The following PRKN variants were observed in gnomAD, a reference collection of about 807,000 sequenced individuals.
PRKN encodes E3 ubiquitin-protein ligase parkin.
In PRKN, 56 loss-of-function variants were observed where a neutral mutation model predicts 59.5. The observed-to-expected ratio is 0.94, with a 90% CI of 0.76 to 1.18. The LOEUF is 1.18. PRKN is among the 50% of genes most tolerant of loss of function. The pLI, the probability that PRKN is intolerant of heterozygous loss-of-function variation, is 0.00. For synonymous variants in PRKN, 250 were observed against 222.1 expected (o/e 1.13, Z -1.12); for missense variants, 657 against 596.4 (o/e 1.10, Z -1.06).
At chr6:162,706,091 T>C (rs1778328209) in intron 1 of PRKN, among the ~76,000 whole-genome samples, 1 of 148,042 alleles carries the variant, frequency 6.8e-6, no homozygotes, top group Non-Finnish European at 1.5e-5. Flanking sequence ...GTCCTTGTAC[T>C]GAAAAGCATT....
At chr6:162,314,939 TG>T (rs1782683041) in intron 2 of PRKN, among the ~76,000 whole-genome samples, 1 of 152,176 alleles carries the variant, frequency 6.6e-6, no homozygotes, top group Non-Finnish European at 1.5e-5. Context: ...TTTATATAAT[TG>T]GTTTTTCGAA....
At chr6:162,439,083 A>G (rs1789924769) in intron 2 of PRKN, among the ~76,000 whole-genome samples, 1 of 152,036 alleles carries the variant, frequency 6.6e-6, no homozygotes. Context: ...CAAACCCATC[A>G]GTGAGTGTTT....
intron 6 of PRKN, among the ~76,000 whole-genome samples, chr6:161,830,229 G>C (rs566356183): frequency 6.6e-6 from 1 of 151,868 alleles, no homozygotes; most frequent in Non-Finnish European, 1.5e-5. Context: ...CTAGTGTGTC[G>C]GGGTTACCTT....
chr6:161,854,005 G>A (rs1793541215), intron 6 of PRKN, among the ~76,000 whole-genome samples: 1 of 151,490 alleles, frequency 6.6e-6, no homozygotes. Context: ...CAACACTTCG[G>A]GAGACCAAGG....
rs1188440629 is a variant in PRKN, at chr6:162,011,371, A to T, written c.619-37954T>A. 1.5e-4 allele frequency among the ~76,000 whole-genome samples: 2 copies of T among 13,774 alleles called. 1 individual carries two copies. Among genetic ancestry groups the T allele is most frequent in the East Asian group, 4.9e-3 (2 of 412 alleles). The allele number at this position is 13,774 out of a possible 152,430, so 9.0% of individuals were successfully genotyped here. On this transcript the variant is annotated intron_variant, in intron 5 of 11. Transcript: ENST00000366898. Reference sequence around the variant, plus strand: ...ATAATATATATTTATAATATATATAATATATTATATATTTATAATATATAT... The same window carrying T: ...ATAATATATATTTATAATATATATATTATATTATATATTTATAATATATAT...
At chr6:162,148,593 G>GAAACAAACAAACAAACAAAC (rs34428585) in intron 4 of PRKN, among the ~76,000 whole-genome samples, 2 of 151,276 alleles carry the variant, frequency 1.3e-5, no homozygotes, top group African/African-American at 2.4e-5. Context: ...AAGCCAGATT[G>GAAACAAACAAACAAACAAAC]AAACAAACAA....
chr6:162,338,246 T>TCTCTCCCTCTCC lies in PRKN; in HGVS notation c.172-75493_172-75482dup, dbSNP rs748177724. Among the ~76,000 whole-genome samples the TCTCTCCCTCTCC allele has an allele frequency of 1.9e-3, 291 of 151,864 alleles. 2 individuals are homozygous for TCTCTCCCTCTCC. The highest frequency in any genetic ancestry group is 6.7e-3 in the African/African-American group (276 of 41,260). On this transcript the variant is annotated intron_variant, in intron 2 of 11. Transcript: ENST00000366898. ...AGAAGTAGTCTCTGAAAAAGAGTGT[T>TCTCTCCCTCTCC]CTCTCCCTCTCCCTCTCCCTCTCCC...
chr6:162,569,274 C>T, intron 1 of PRKN: 1 of 592,316 alleles, frequency 1.7e-6, no homozygotes, highest in Non-Finnish European at 3.2e-6. Flanking sequence ...TCCCTGGAGG[C>T]CACCATCGCA....
intron 4 of PRKN, among the ~76,000 whole-genome samples, chr6:162,114,522 T>A (rs1780582487): frequency 6.6e-6 from 1 of 152,058 alleles, no homozygotes; most frequent in Admixed American, 6.6e-5. Context: ...TGTTTGTCTG[T>A]TGTTGGTGTA....
intron 1 of PRKN, among the ~76,000 whole-genome samples, chr6:162,717,246 G>A (rs997967371): frequency 1.3e-5 from 2 of 152,044 alleles, no homozygotes; most frequent in Non-Finnish European, 2.9e-5. Flanking sequence ...TTAATGGAAG[G>A]GGCTAGCCCA....
At chr6:162,154,056 G>T (rs1782392340) in intron 4 of PRKN, among the ~76,000 whole-genome samples, 1 of 152,168 alleles carries the variant, frequency 6.6e-6, no homozygotes, top group East Asian at 1.9e-4. Flanking sequence ...TGCCTTGTCT[G>T]CCAAGAGTTT....
intron 7 of PRKN, among the ~76,000 whole-genome samples, chr6:161,649,640 T>C (rs531586411): frequency 3.7e-4 from 57 of 152,326 alleles, no homozygotes; most frequent in Non-Finnish European, 6.9e-4. Context: ...TCTGAAGTAA[T>C]ATATTTCAAG....
intron 6 of PRKN, among the ~76,000 whole-genome samples, chr6:161,956,796 C>T (rs1790006): frequency 0.57 from 86,344 of 151,970 alleles, 24,723 homozygotes; most frequent in Middle Eastern, 0.65. Flanking sequence ...TGGAGTCATC[C>T]TATTTCGTGC....
chr6:162,197,711 G>GA (rs1377166046), intron 4 of PRKN, among the ~76,000 whole-genome samples: 5 of 152,074 alleles, frequency 3.3e-5, no homozygotes, highest in African/African-American at 1.2e-4. Context: ...AGAAATACAA[G>GA]AATATAAGGA....
intron 10 of PRKN, among the ~76,000 whole-genome samples, chr6:161,365,896 T>C (rs995150562): frequency 4.0e-5 from 6 of 151,822 alleles, no homozygotes; most frequent in Non-Finnish European, 7.4e-5. Context: ...GAGAGGGAGG[T>C]AGCTAGGAGG....
rs1583055220 is a variant in PRKN, at chr6:161,428,905, T to A, written c.1084-42028A>T. 6.6e-6 allele frequency among the ~76,000 whole-genome samples: 1 copy of A among 152,148 alleles called. No homozygotes were observed. The highest frequency in any genetic ancestry group is 1.5e-5 in the Non-Finnish European group (1 of 68,032). Reference sequence around the variant, plus strand: ...TCATGTGCTGACCTATGGCTAGGGGTCCCTGGTTTCTCCCACCTTCTTCCT... The same window carrying A: ...TCATGTGCTGACCTATGGCTAGGGGACCCTGGTTTCTCCCACCTTCTTCCT... On this transcript the variant is annotated intron_variant, in intron 9 of 11. Transcript: ENST00000366898. This position sits in a 1 kb window ranked among gnomAD's most constrained non-coding sequence, Gnocchi z 4.0.
chr6:161,361,318 G>A lies in PRKN; in HGVS notation c.1168-1113C>T, dbSNP rs1784968307. Among the ~76,000 whole-genome samples, 4 of 152,178 alleles carry A rather than the reference G, an allele frequency of 2.6e-5. No individual in the cohort carries two copies. Among genetic ancestry groups the A allele is most frequent in the Admixed American group, 2.6e-4 (4 of 15,276 alleles). ...AGTTTCTTTAGGAATTAGTGTTCAT[G>A]TTTCTGTTATTTCTGTGGAAAGTCA... On this transcript the variant is annotated intron_variant, in intron 10 of 11. Transcript: ENST00000366898. This position sits in a 1 kb window ranked among gnomAD's most constrained non-coding sequence, Gnocchi z 5.2.
intron 7 of PRKN, among the ~76,000 whole-genome samples, chr6:161,777,779 G>GTATATGTATATATGA (rs1247921721): frequency 2.2e-5 from 3 of 138,164 alleles, no homozygotes; most frequent in African/African-American, 8.4e-5. Context: ...ATGTATATAT[G>GTATATGTATATATGA]TATATGTATA....
chr6:162,494,094 C>T (rs990761601), intron 1 of PRKN, among the ~76,000 whole-genome samples: 1 of 152,212 alleles, frequency 6.6e-6, no homozygotes, highest in South Asian at 2.1e-4. Flanking sequence ...CTGTGGCTGT[C>T]TGGACTACAT....
Sources: allele counts gnomAD v4.1 joint callset (sites outside exome capture counted in the v4.1 genomes callset), GRCh38; gene constraint gnomAD v4.1.1; non-coding constraint Gnocchi (gnomAD v3.1); transcripts MANE v1.5; gene names NCBI Gene and HGNC (gene_info 2026-07-23, HGNC 2026-07-21).